The following CHL1 variants were observed in gnomAD, a reference collection of about 807,000 sequenced individuals.
The protein encoded by CHL1 is neural cell adhesion molecule L1-like protein.
CHL1 carries 96 observed loss-of-function variants against 141.9 expected under a neutral mutation model. That is an observed-to-expected ratio of 0.68 (90% CI 0.57 to 0.80). The LOEUF (loss-of-function observed/expected upper bound fraction) is 0.80. CHL1 is among the 30% of genes least tolerant of loss of function. The pLI, the probability that CHL1 is intolerant of heterozygous loss-of-function variation, is 0.00. For missense variants in CHL1, 1,820 were observed against 1,457.2 expected (o/e 1.25, Z -4.05); for synonymous variants, 613 against 502.2 (o/e 1.22, Z -2.95).
At chr3:259,012 C>T (rs1694447531) in intron 2 of CHL1, among the ~76,000 whole-genome samples, 1 of 150,148 alleles carries the variant, frequency 6.7e-6, no homozygotes, top group Non-Finnish European at 1.5e-5. Flanking sequence ...CGGCTCATTG[C>T]AGCCTCGACT....
At chr3:363,075 A>G (rs1383039746) in intron 13 of CHL1, 142 bp from the exon 14 acceptor site, 3 of 656,134 alleles carry the variant, frequency 4.6e-6, no homozygotes, top group Admixed American at 6.8e-5. Context: ...TTTTGAGAAA[A>G]ATATGAAACC....
intron 2 of CHL1, among the ~76,000 whole-genome samples, chr3:300,021 A>T (rs1698583411): frequency 6.6e-6 from 1 of 152,222 alleles, no homozygotes; most frequent in Non-Finnish European, 1.5e-5. Flanking sequence ...GGTTTCAGAA[A>T]GATAAATTGC....
At chr3:363,630 T>C (rs1704513682) in intron 14 of CHL1, 1 of 335,398 alleles carries the variant, frequency 3.0e-6, no homozygotes, top group Non-Finnish European at 5.4e-6. Context: ...CAGATGGCTG[T>C]CAATATTTAA....
chr3:238,770 CA>C (rs145162673), intron 1 of CHL1, among the ~76,000 whole-genome samples: 38,059 of 145,344 alleles, frequency 0.26, 5,436 homozygotes, highest in African/African-American at 0.4. Flanking sequence ...ACTAAAAATA[CA>C]AAAAAAAAAA....
At chr3:394,932 A>G in intron 24 of CHL1, 60 bp downstream of exon 24, 1 of 1,373,502 alleles carries the variant, frequency 7.3e-7, no homozygotes, top group Middle Eastern at 1.9e-4. Context: ...CATCTTTTTA[A>G]ACAGCTGCAC....
chr3:398,503 C>A (rs773990621), intron 25 of CHL1, 118 bp downstream of exon 25: 1 of 565,676 alleles, frequency 1.8e-6, no homozygotes, highest in East Asian at 3.0e-5. Flanking sequence ...TTATGAAAAT[C>A]GTAATTTCAA....
intron 2 of CHL1, among the ~76,000 whole-genome samples, chr3:317,319 T>C (rs1668495488): frequency 6.6e-6 from 1 of 151,958 alleles, no homozygotes; most frequent in South Asian, 2.1e-4. Flanking sequence ...TTACTAAAAT[T>C]AGAGACCAGT....
intron 2 of CHL1, among the ~76,000 whole-genome samples, chr3:313,449 G>C (rs1266667765): frequency 6.6e-6 from 1 of 151,974 alleles, no homozygotes; most frequent in African/African-American, 2.4e-5. Flanking sequence ...ATATAAATTT[G>C]AATAATGTTA....
chr3:276,307 T>G (rs1246680867), intron 2 of CHL1, among the ~76,000 whole-genome samples: 1 of 152,194 alleles, frequency 6.6e-6, no homozygotes, highest in East Asian at 1.9e-4. Context: ...TGAATCAACT[T>G]GAGCTTTGAA....
chr3:389,300 A>G lies in CHL1; in HGVS notation c.2296A>G (p.Thr766Ala). ...TGGACCAGGCCTAGAGTACAGAGTG[A>G]CCTGGAAGCCACAGGGAGCCCCAGT... ...QNGPGLEYRV[T>A]WKPQGAPVEW... The change falls in exon 20 of 28, where the codon ACC (threonine) becomes GCC (alanine). Residue 766 changes from threonine to alanine, a missense_variant. Transcript: ENST00000256509. 6.2e-7 allele frequency: 1 copy of G among 1,613,972 alleles called. No individual in the cohort carries two copies.
chr3:253,471 G>T (rs1693890232), intron 2 of CHL1, among the ~76,000 whole-genome samples: 1 of 152,190 alleles, frequency 6.6e-6, no homozygotes, highest in Non-Finnish European at 1.5e-5. Flanking sequence ...AGGGGTCCCT[G>T]TAGCTGGTTC....
intron 2 of CHL1, among the ~76,000 whole-genome samples, chr3:281,293 C>A (rs1288648718): frequency 6.6e-6 from 1 of 152,102 alleles, no homozygotes; most frequent in Non-Finnish European, 1.5e-5. Context: ...ACAAATTTGC[C>A]CACAAACTTG....
Position 359,797 on chromosome 3 carries a change from T to C in CHL1, c.1166-487T>C, listed in dbSNP as rs143852739. Among the ~76,000 whole-genome samples, 18 of 152,204 alleles carry C rather than the reference T, an allele frequency of 1.2e-4. No individual in the cohort carries two copies. In the East Asian group the frequency reaches 2.9e-3, roughly 25 times the overall value. On this transcript the variant is annotated intron_variant, in intron 11 of 27. Transcript: ENST00000256509. The stretch of plus-strand genomic sequence containing the variant: ...AGTGAAGCAAGGCAAATGAAATCAA[T>C]GGTGCAGATCAGAAAACTGTAGAGA...
intron 15 of CHL1, among the ~76,000 whole-genome samples, chr3:373,120 T>A (rs535913300): frequency 1.3e-5 from 2 of 152,330 alleles, no homozygotes; most frequent in African/African-American, 4.8e-5. Flanking sequence ...ATAAAGCACT[T>A]TGTCCCTTGG....
intron 2 of CHL1, among the ~76,000 whole-genome samples, chr3:266,206 T>C (rs331859): frequency 0.012 from 1,797 of 152,118 alleles, 41 homozygotes; most frequent in African/African-American, 0.042. Flanking sequence ...GCAACAAGAG[T>C]AGTCAGCTCA....
At chr3:360,548 C>G in intron 12 of CHL1, 124 bp downstream of exon 12, 1 of 966,426 alleles carries the variant, frequency 1.0e-6, no homozygotes, top group South Asian at 1.9e-5. Flanking sequence ...CTACTTTTCA[C>G]CATACATTTG....
chr3:364,713 C>T (rs553641273), intron 14 of CHL1, among the ~76,000 whole-genome samples: 1 of 152,186 alleles, frequency 6.6e-6, no homozygotes, highest in African/African-American at 2.4e-5. Flanking sequence ...TGATTGAGAG[C>T]ATGAGCTTTA....
At chr3:287,727 G>A (rs1224918395) in intron 2 of CHL1, among the ~76,000 whole-genome samples, 4 of 151,452 alleles carry the variant, frequency 2.6e-5, no homozygotes, top group Admixed American at 6.6e-5. Flanking sequence ...GATCATTTTT[G>A]TTATGGTAGC....
chr3:310,873 GTCC>G (rs1202606684), intron 2 of CHL1, among the ~76,000 whole-genome samples: 1 of 152,176 alleles, frequency 6.6e-6, no homozygotes, highest in African/African-American at 2.4e-5. Context: ...TAAAAATCCT[GTCC>G]TCCTATTCAT....
Sources: allele counts gnomAD v4.1 joint callset (sites outside exome capture counted in the v4.1 genomes callset), GRCh38; gene constraint gnomAD v4.1.1; transcripts MANE v1.5; gene names NCBI Gene and HGNC (gene_info 2026-07-23, HGNC 2026-07-21).